Variants in ZFHX4 observed in about 807,000 individuals in gnomAD.
ZFHX4 encodes zinc finger homeobox protein 4.
ZFHX4 carries 56 observed loss-of-function variants against 267.6 expected under a neutral mutation model. The ratio of observed to expected loss-of-function variants is 0.21; its 90% CI spans 0.17 to 0.26. ZFHX4 has a LOEUF of 0.26. Ranked by LOEUF, ZFHX4 falls within the 10% of genes least tolerant of loss-of-function variation. ZFHX4 has a pLI of 1.00. For missense variants in ZFHX4, 4,332 were observed against 4,420.0 expected (o/e 0.98, Z 0.56); for synonymous variants, 1,778 against 1,665.6 (o/e 1.07, Z -1.64).
At chr8:76,844,679 T>A (rs1206766285) in intron 6 of ZFHX4, among the ~76,000 whole-genome samples, 1 of 152,140 alleles carries the variant, frequency 6.6e-6, no homozygotes, top group Non-Finnish European at 1.5e-5. Context: ...GACAATAGTA[T>A]AATGGTAGTT....
chr8:76,724,880 GT>G (rs1808812596), intron 3 of ZFHX4, among the ~76,000 whole-genome samples: 1 of 152,014 alleles, frequency 6.6e-6, no homozygotes, highest in Admixed American at 6.6e-5. Flanking sequence ...TGATTCTTCA[GT>G]TTTTCATTTC....
Position 76,707,736 on chromosome 8 carries a change from G to A in ZFHX4, c.2781G>A (p.Glu927=). The change falls in exon 3 of 11, where the codon GAG becomes GAA. Residue 927 remains glutamate (E), a synonymous_variant. Transcript: ENST00000651372. ...CCCTAAGTGTGCATGTGAGCAGTGA[G>A]CGCTCTCTCCCTGAAGAGGAATGGA... The part of the protein sequence containing the change: ...LEALSVHVSS[E]RSLPEEEWRA... The A allele has an allele frequency of 6.2e-7, 1 of 1,613,816 alleles. No homozygotes were observed.
chr8:76,858,481 TACTGAAATTTTCAATTTCTCTCA>T (rs1405611166), intron 10 of ZFHX4, among the ~76,000 whole-genome samples: 1 of 152,216 alleles, frequency 6.6e-6, no homozygotes, highest in Non-Finnish European at 1.5e-5. Context: ...CATTGCTACC[TACTGAAATTTTCAATTTCTCTCA>T]ACTTAGTCCT....
rs371461387 is a variant in ZFHX4 at position 76,863,568 on chromosome 8, G to A, written c.9854G>A (p.Gly3285Glu). ...TPQLPGTVQGGYFPPVCGMES... is the reference protein window; with the variant it reads ...TPQLPGTVQGEYFPPVCGMES... ...CAGCTCCCTGGAACAGTGCAGGGGG[G>A]ATACTTCCCACCTGTCTGTGGCATG... Residue 3285 changes from glycine to glutamate, a missense_variant, in exon 11 of 11, where the codon GGA becomes GAA. This residue lies in a region of ZFHX4 where 1,648 missense variants were observed against 1,625.0 expected (regional missense o/e 1.01). Coordinates refer to ENST00000651372, the MANE Select transcript of ZFHX4 (RefSeq NM_024721.5). The A allele has an allele frequency of 4.3e-6, 7 of 1,613,620 alleles. No homozygotes were observed. The highest frequency in any genetic ancestry group is 2.2e-5 in the South Asian group (2 of 91,066).
chr8:76,715,018 C>T (rs932626260), intron 3 of ZFHX4, among the ~76,000 whole-genome samples: 10 of 152,122 alleles, frequency 6.6e-5, no homozygotes, highest in Admixed American at 3.9e-4. Context: ...TCTGTGTCTT[C>T]GCTTACTTTT....
Position 76,681,459 on chromosome 8 carries a change from G to A in ZFHX4, c.-208G>A. On this transcript the variant is annotated 5_prime_UTR_variant, in exon 1 of 11. Transcript: ENST00000651372. ...TCCATGCCCCCCACTTTCTGCTCCA[G>A]CGTTTTTATTTTCACCCAATAAAGT... 2.5e-6 allele frequency: 1 copy of A among 397,316 alleles called. No homozygotes were observed. Among genetic ancestry groups the A allele is most frequent in the Non-Finnish European group, 4.4e-6 (1 of 225,762 alleles). 24.6% of individuals were successfully genotyped at this position (397,316 alleles called of 1,614,324 possible). A position where few individuals can be genotyped will look rare whatever the true frequency, so the allele number is the denominator to read the frequency against.
At chr8:76,828,148 C>A (rs1811835474) in intron 4 of ZFHX4, among the ~76,000 whole-genome samples, 1 of 152,096 alleles carries the variant, frequency 6.6e-6, no homozygotes, top group Non-Finnish European at 1.5e-5. Flanking sequence ...AATGCCAAGA[C>A]AAGTTCAGAG....
intron 1 of ZFHX4, among the ~76,000 whole-genome samples, chr8:76,686,549 G>A (rs1426700028): frequency 2.0e-5 from 3 of 152,074 alleles, no homozygotes; most frequent in African/African-American, 4.8e-5. Flanking sequence ...TGCTGTCATA[G>A]TAATTAATAT....
At chr8:76,778,504 CACACAA>C in intron 4 of ZFHX4, 65 bp downstream of exon 4, 3 of 1,227,328 alleles carry the variant, frequency 2.4e-6, no homozygotes, top group Non-Finnish European at 2.4e-6. Context: ...CACACACACA[CACACAA>C]ACACACACAC....
intron 4 of ZFHX4, among the ~76,000 whole-genome samples, chr8:76,817,758 TG>T (rs1359258584): frequency 6.6e-6 from 1 of 152,214 alleles, no homozygotes; most frequent in African/African-American, 2.4e-5. Flanking sequence ...CTATTTCAAT[TG>T]GATTTTAAAC....
At chr8:76,826,179 A>C (rs979575074) in intron 4 of ZFHX4, among the ~76,000 whole-genome samples, 3 of 152,166 alleles carry the variant, frequency 2.0e-5, no homozygotes, top group African/African-American at 7.2e-5. Context: ...CAAAAGGGAG[A>C]GGGAAGGGGA....
chr8:76,854,612 G>A lies in ZFHX4; in HGVS notation c.7691G>A (p.Ser2564Asn), dbSNP rs775197686. Residue 2564 changes from serine to asparagine, a missense_variant, in exon 10 of 11, where the codon AGT becomes AAT. Coordinates refer to ENST00000651372, the MANE Select transcript of ZFHX4 (RefSeq NM_024721.5). ...CTCACTCAAATGCCCCCTCAGGCCA[G>A]TTCCTCCCACACCACAGCCCCCACA... ...SSLTQMPPQASSSHTTAPTTV... is the reference protein window; with the variant it reads ...SSLTQMPPQANSSHTTAPTTV... 6.2e-7 allele frequency: 1 copy of A among 1,613,720 alleles called. No homozygotes were observed. Among genetic ancestry groups the A allele is most frequent in the South Asian group, 1.1e-5 (1 of 91,076 alleles).
intron 3 of ZFHX4, among the ~76,000 whole-genome samples, chr8:76,713,371 A>G (rs1442663186): frequency 6.6e-6 from 1 of 152,194 alleles, no homozygotes; most frequent in Admixed American, 6.5e-5. Context: ...AAGACCAGGC[A>G]TTAGCAACTT....
At chr8:76,862,176 G>A (rs1466024217) in intron 10 of ZFHX4, among the ~76,000 whole-genome samples, 1 of 152,164 alleles carries the variant, frequency 6.6e-6, no homozygotes, top group East Asian at 1.9e-4. Context: ...GTTATTATCA[G>A]CCACTACATT....
intron 1 of ZFHX4, among the ~76,000 whole-genome samples, chr8:76,694,644 T>C (rs1464439338): frequency 1.3e-5 from 2 of 149,722 alleles, no homozygotes; most frequent in Non-Finnish European, 3.0e-5. Flanking sequence ...TAGTCTTTTT[T>C]TTTTCCCTCC....
intron 1 of ZFHX4, 72 bp downstream of exon 1, chr8:76,681,692 C>A (rs1014642721): frequency 2.7e-6 from 1 of 376,620 alleles, no homozygotes; most frequent in Non-Finnish European, 4.7e-6. Context: ...ATCTTTCCAG[C>A]CTGATCTTGC....
In ZFHX4 at chr8:76,743,238, G is replaced by C. The variant is rs180761467; in HGVS notation, c.3094-34970G>C. On this transcript the variant is annotated intron_variant, in intron 3 of 10. Transcript: ENST00000651372. ...CTGAGCTGTGATTTGTATCTCTTAT[G>C]AGGTTCTAATCTTCCTCGAACTTCT... Among the ~76,000 whole-genome samples the C allele has an allele frequency of 5.3e-5, 8 of 152,240 alleles. No individual in the cohort carries two copies. In the East Asian group the frequency reaches 1.5e-3, roughly 29 times the overall value.
intron 5 of ZFHX4, 74 bp downstream of exon 5, chr8:76,833,480 G>A: frequency 2.6e-6 from 3 of 1,154,760 alleles, no homozygotes; most frequent in South Asian, 1.4e-5. Context: ...CATAATTGAT[G>A]GAATAAACAT....
Position 76,855,934 on chromosome 8 carries a change from A to T in ZFHX4, c.9013A>T (p.Thr3005Ser). Reference protein sequence around the residue: ...FMINQGGTEGTKPECTLCGVK... With the variant: ...FMINQGGTEGSKPECTLCGVK... ...GATCAATCAAGGCGGAACGGAAGGC[A>T]CCAAACCAGAGTGTACCCTCTGCGG... Residue 3005 changes from threonine to serine, a missense_variant, in exon 10 of 11, where the codon ACC (threonine) becomes TCC (serine). Thr to Ser is a moderately conservative substitution (Grantham distance 58, BLOSUM62 1). This residue lies in a region of ZFHX4 where 1,648 missense variants were observed against 1,625.0 expected (regional missense o/e 1.01). Transcript: ENST00000651372. 1 of 1,613,912 alleles carries T rather than the reference A, an allele frequency of 6.2e-7. No individual in the cohort carries two copies. Among genetic ancestry groups the T allele is most frequent in the Non-Finnish European group, 8.5e-7 (1 of 1,179,864 alleles).
Sources: gnomAD v4.1 joint callset for allele counts (sites outside exome capture counted in the v4.1 genomes callset) on GRCh38, gnomAD v4.1.1 for gene constraint, gnomAD v4.1.1 regional missense constraint, MANE v1.5 for transcripts, NCBI Gene and HGNC (gene_info 2026-07-23, HGNC 2026-07-21) for gene names.